Variants in RAB25 observed in about 807,000 individuals in gnomAD.
RAB25 encodes the protein ras-related protein Rab-25.
Under a neutral mutation model 25.2 loss-of-function variants are expected in RAB25, and 23 were observed. The ratio of observed to expected loss-of-function variants is 0.91; its 90% CI spans 0.66 to 1.29. The LOEUF (loss-of-function observed/expected upper bound fraction) is 1.29. Ranked by LOEUF, RAB25 falls within the 50% of genes most tolerant of loss-of-function variation. The pLI, the probability that RAB25 is intolerant of heterozygous loss-of-function variation, is 0.00. For missense variants in RAB25, 244 were observed against 277.3 expected (o/e 0.88, Z 0.85); for synonymous variants, 102 against 111.5 (o/e 0.91, Z 0.54).
At chr1:156,068,013 A>C (rs1004227132) in intron 2 of RAB25, among the ~76,000 whole-genome samples, 3 of 152,140 alleles carry the variant, frequency 2.0e-5, no homozygotes, top group African/African-American at 7.2e-5. Context: ...TTGGCCTCCC[A>C]AAGTGCTGGG....
intron 1 of RAB25, among the ~76,000 whole-genome samples, chr1:156,064,854 C>T (rs910626950): frequency 5.3e-5 from 8 of 152,208 alleles, no homozygotes; most frequent in Non-Finnish European, 1.2e-4. Flanking sequence ...ATATGTGGCT[C>T]CCAGTCCTTG....
rs947331634 is a variant in RAB25, at chr1:156,070,181, A to G, written c.536A>G (p.Lys179Arg). Residue 179 changes from lysine to arginine, a missense_variant, in exon 5 of 5, where the codon AAG (lysine) becomes AGG (arginine). Transcript: ENST00000361084. ...VLKEIFAKVS[K>R]QRQNSIRTNA... The stretch of plus-strand genomic sequence containing the variant: ...CCAGAAATCTTTGCGAAGGTGTCCA[A>G]GCAGAGACAGAACAGCATCCGGACC... 8.7e-6 allele frequency: 14 copies of G among 1,614,092 alleles called. No homozygotes were observed. The highest frequency in any genetic ancestry group is 3.3e-4 in the Middle Eastern group (2 of 6,060).
chr1:156,068,684 A>AT (rs35522492), intron 3 of RAB25, among the ~76,000 whole-genome samples: 3,828 of 98,334 alleles, frequency 0.039, 309 homozygotes, highest in African/African-American at 0.12. Flanking sequence ...GTCTTTATTG[A>AT]TTTTTTTTTT....
Position 156,065,945 on chromosome 1 carries a change from C to G in RAB25, c.78C>G (p.Thr26=). The G allele has an allele frequency of 6.2e-7, 1 of 1,612,032 alleles. No homozygotes were observed. The highest frequency in any genetic ancestry group is 8.5e-7 in the Non-Finnish European group (1 of 1,178,626). ...VLIGESGVGK[T]NLLSRFTRNE... ...TCGGCGAATCAGGTGTGGGGAAGAC[C>G]AATCTACTCTCCCGATTCACGCGCA... The change falls in exon 2 of 5, where the codon ACC becomes ACG. Residue 26 remains threonine (T), a synonymous_variant. Transcript: ENST00000361084.
chr1:156,065,879 C>T (rs777277760), intron 1 of RAB25, 32 bp from the exon 2 acceptor site: 2 of 1,538,922 alleles, frequency 1.3e-6, no homozygotes, highest in East Asian at 2.3e-5. Flanking sequence ...TGCTCTACCC[C>T]ATGCTCAGCC....
intron 3 of RAB25, among the ~76,000 whole-genome samples, chr1:156,068,856 T>G (rs1647828820): frequency 6.6e-6 from 1 of 151,592 alleles, no homozygotes; most frequent in Non-Finnish European, 1.5e-5. Context: ...GCCTGGCTAA[T>G]TTTTGTATTT....
At chr1:156,065,696 G>A (rs1044685961) in intron 1 of RAB25, among the ~76,000 whole-genome samples, 5 of 152,170 alleles carry the variant, frequency 3.3e-5, no homozygotes, top group African/African-American at 7.2e-5. Flanking sequence ...GCTATAACCC[G>A]TCAAGCCCCT....
Position 156,068,325 on chromosome 1 carries a change from A to C in RAB25, c.295A>C (p.Thr99Pro), listed in dbSNP as rs1397810773. 3 of 1,613,904 alleles carry C rather than the reference A, an allele frequency of 1.9e-6. No individual in the cohort carries two copies. The highest frequency in any genetic ancestry group is 2.5e-6 in the Non-Finnish European group (3 of 1,179,996). ...GGTGTTTGACCTAACCAAGCACCAG[A>C]CCTATGCTGTGGTGGAGCGATGGCT... ...LLVFDLTKHQ[T>P]YAVVERWLKE... Residue 99 changes from threonine to proline, a missense_variant, in exon 3 of 5, where the codon ACC becomes CCC. Thr to Pro is a conservative substitution (Grantham distance 38). Transcript: ENST00000361084.
At chr1:156,067,009 G>T (rs1647764893) in intron 2 of RAB25, among the ~76,000 whole-genome samples, 1 of 152,002 alleles carries the variant, frequency 6.6e-6, no homozygotes. Flanking sequence ...GCCGAGGCGG[G>T]CAGATCACAA....
At chr1:156,068,201 G>A (rs948964043) in intron 2 of RAB25, 69 bp from the exon 3 acceptor site, 39 of 1,360,596 alleles carry the variant, frequency 2.9e-5, no homozygotes, top group South Asian at 3.7e-5. Flanking sequence ...CCAGCTTGAC[G>A]GCTCTGCTCT....
Position 156,061,457 on chromosome 1 carries a change from C to G in RAB25, c.43+14C>G. ...TTGTCTTCAAGGGTGAGTTGGGTTC[C>G]CTGAAGCAAGAGGAAGCCTGAGAGA... On this transcript the variant is annotated intron_variant, in intron 1 of 4. Coordinates refer to ENST00000361084, the MANE Select transcript of RAB25 (RefSeq NM_020387.4). The G allele has an allele frequency of 1.2e-6, 2 of 1,613,420 alleles. No homozygotes were observed. Among genetic ancestry groups the G allele is most frequent in the Non-Finnish European group, 1.7e-6 (2 of 1,179,490 alleles).
chr1:156,068,985 G>A (rs183980206), intron 3 of RAB25, among the ~76,000 whole-genome samples: 27 of 151,484 alleles, frequency 1.8e-4, no homozygotes, highest in Admixed American at 1.4e-3. Context: ...CACTGTGCCC[G>A]GCCCGTAGTT....
Position 156,061,339 on chromosome 1 carries a change from C to A in RAB25, c.-62C>A. 1 of 1,528,080 alleles carries A rather than the reference C, an allele frequency of 6.5e-7. No homozygotes were observed. 94.7% of individuals were successfully genotyped at this position (1,528,080 alleles called of 1,614,324 possible). A position where few individuals can be genotyped will look rare whatever the true frequency, so the allele number is the denominator to read the frequency against. On this transcript the variant is annotated 5_prime_UTR_variant, in exon 1 of 5. Transcript: ENST00000361084. Reference sequence around the variant, plus strand: ...AGAGCTGAGGGTTGAGGGCATTGAGCCAACACACAGATTTGTCGCCTCTGT... The same window carrying A: ...AGAGCTGAGGGTTGAGGGCATTGAGACAACACACAGATTTGTCGCCTCTGT...
At chr1:156,063,066 A>G (rs1376397630) in intron 1 of RAB25, among the ~76,000 whole-genome samples, 66 of 151,216 alleles carry the variant, frequency 4.4e-4, no homozygotes, top group Non-Finnish European at 8.4e-4. Context: ...AAAAAAAAAA[A>G]AAAAAAAAAA....
At chr1:156,067,517 G>A (rs1647776464) in intron 2 of RAB25, among the ~76,000 whole-genome samples, 1 of 152,240 alleles carries the variant, frequency 6.6e-6, no homozygotes, top group African/African-American at 2.4e-5. Context: ...GGTCAGGCCA[G>A]GGACTGCTGC....
At chr1:156,067,298 G>A (rs1189934508) in intron 2 of RAB25, among the ~76,000 whole-genome samples, 1 of 152,144 alleles carries the variant, frequency 6.6e-6, no homozygotes, top group African/African-American at 2.4e-5. Flanking sequence ...TGTGAAATGG[G>A]GTCTGTTTGT....
chr1:156,068,307 G>C lies in RAB25; in HGVS notation c.277G>C (p.Asp93His), dbSNP rs1647807929. 1 of 1,613,880 alleles carries C rather than the reference G, an allele frequency of 6.2e-7. No individual in the cohort carries two copies. The highest frequency in any genetic ancestry group is 1.1e-5 in the South Asian group (1 of 91,064). ...RGAVGALLVFDLTKHQTYAVV... is the reference protein window; with the variant it reads ...RGAVGALLVFHLTKHQTYAVV... ...TGCAGTGGGGGCCCTCCTGGTGTTT[G>C]ACCTAACCAAGCACCAGACCTATGC... The change falls in exon 3 of 5, where the codon GAC becomes CAC. Residue 93 changes from aspartate (D) to histidine (H), a missense_variant. By Grantham distance (81) the Asp-to-His change is moderately conservative. Coordinates refer to ENST00000361084, the MANE Select transcript of RAB25 (RefSeq NM_020387.4).
At chr1:156,069,896 CCCTCCCCAGTG>C in intron 4 of RAB25, 145 bp downstream of exon 4, 1 of 877,396 alleles carries the variant, frequency 1.1e-6, no homozygotes. Flanking sequence ...CCCCCTCAGT[CCCTCCCCAGTG>C]CCTCCCACTC....
Position 156,061,330 on chromosome 1 carries a change from G to A in RAB25, c.-71G>A. 1 of 1,463,730 alleles carries A rather than the reference G, an allele frequency of 6.8e-7. No homozygotes were observed. The highest frequency in any genetic ancestry group is 9.6e-7 in the Non-Finnish European group (1 of 1,043,794). The allele number at this position is 1,463,730 out of a possible 1,614,324, so 90.7% of individuals were successfully genotyped here. A position where few individuals can be genotyped will look rare whatever the true frequency, so the allele number is the denominator to read the frequency against. On this transcript the variant is annotated 5_prime_UTR_variant, in exon 1 of 5. Coordinates refer to ENST00000361084, the MANE Select transcript of RAB25 (RefSeq NM_020387.4). ...GATCTTTTGAGAGCTGAGGGTTGAG[G>A]GCATTGAGCCAACACACAGATTTGT...
Sources: allele counts gnomAD v4.1 joint callset (sites outside exome capture counted in the v4.1 genomes callset), GRCh38; gene constraint gnomAD v4.1.1; transcripts MANE v1.5; gene names NCBI Gene and HGNC (gene_info 2026-07-23, HGNC 2026-07-21).